PTPRN2: variants seen among roughly 807,000 people sequenced by gnomAD.
PTPRN2 encodes receptor-type tyrosine-protein phosphatase N2.
A neutral mutation model predicts 118.8 loss-of-function variants in PTPRN2; 74 were observed. That is an observed-to-expected ratio of 0.62 (90% CI 0.52 to 0.76). The LOEUF (loss-of-function observed/expected upper bound fraction) is 0.76. Among genes scored for constraint, PTPRN2 ranks in the 30% least tolerant of loss-of-function variants. The probability of loss-of-function intolerance (pLI) is 0.00; values close to 1 mark genes in which losing one functional copy is unlikely to be tolerated. For missense variants in PTPRN2, 1,481 were observed against 1,394.4 expected, an observed-to-expected ratio of 1.06 and a Z score of -0.99; for synonymous variants, 641 against 608.0, an observed-to-expected ratio of 1.05 and a Z score of -0.80.
chr7:158,261,583 G>A (rs1797401744), intron 3 of PTPRN2, among the ~76,000 whole-genome samples: 1 of 152,104 alleles, frequency 6.6e-6, no homozygotes, highest in South Asian at 2.1e-4. Flanking sequence ...GGGGACTCCA[G>A]CCACCCATCC....
intron 12 of PTPRN2, among the ~76,000 whole-genome samples, chr7:157,887,136 C>T (rs371719179): frequency 1.3e-5 from 2 of 152,150 alleles, no homozygotes; most frequent in Admixed American, 1.3e-4. Context: ...AGGGGCTGCT[C>T]CTGACCTCTG....
intron 12 of PTPRN2, among the ~76,000 whole-genome samples, chr7:157,806,973 G>T (rs1013863978): frequency 2.6e-5 from 4 of 152,228 alleles, no homozygotes; most frequent in Non-Finnish European, 2.9e-5. Flanking sequence ...CTCTGTTCCA[G>T]GGAGAGCCTC....
intron 2 of PTPRN2, among the ~76,000 whole-genome samples, chr7:158,323,422 G>C (rs951651308): frequency 1.3e-5 from 2 of 152,222 alleles, no homozygotes; most frequent in African/African-American, 2.4e-5. Context: ...GACCGGAATG[G>C]ACAGTGCTAA....
In PTPRN2 at chr7:158,489,784, G is replaced by C; in HGVS notation, c.114C>G (p.Gly38=). 4.4e-6 allele frequency: 7 copies of C among 1,576,070 alleles called. No individual in the cohort carries two copies. Among genetic ancestry groups the C allele is most frequent in the Non-Finnish European group, 6.0e-6 (7 of 1,161,664 alleles). ...PRGRQLPGRL[G]CLLEEGLCGA... ...CGCAGAGGCCCTCCTCGAGCAGGCA[G>C]CCTGCGGGGAAACAGAGAAGAGACG... The change falls in exon 2 of 23, where the codon GGC becomes GGG. Residue 38 remains glycine, a splice_region_variant and synonymous_variant. Transcript: ENST00000389418.
intron 11 of PTPRN2, among the ~76,000 whole-genome samples, chr7:158,078,101 G>T (rs1230720498): frequency 6.6e-6 from 1 of 152,186 alleles, no homozygotes; most frequent in Non-Finnish European, 1.5e-5. Context: ...ATGGAAAGCA[G>T]CTGCCCTTCT....
intron 9 of PTPRN2, among the ~76,000 whole-genome samples, chr7:158,127,177 C>T (rs1413444768): frequency 6.6e-6 from 1 of 152,232 alleles, no homozygotes; most frequent in Non-Finnish European, 1.5e-5. Flanking sequence ...AGACTCAGGG[C>T]TCCAACCTCT....
At chr7:158,275,329 T>G (rs1181184836) in intron 3 of PTPRN2, among the ~76,000 whole-genome samples, 1 of 152,180 alleles carries the variant, frequency 6.6e-6, no homozygotes, top group Non-Finnish European at 1.5e-5. Context: ...GCGCACCTCC[T>G]CACGCCTCTC....
intron 9 of PTPRN2, among the ~76,000 whole-genome samples, chr7:158,124,732 C>T (rs1033026086): frequency 2.0e-5 from 3 of 152,004 alleles, no homozygotes; most frequent in African/African-American, 4.8e-5. Context: ...GGAGGGAGGG[C>T]CTGGTGGAGT....
rs556855933 is a variant in PTPRN2 at position 157,587,125 on chromosome 7, A to T, written c.2496+8113T>A. Among the ~76,000 whole-genome samples, 1 of 152,190 alleles carries T rather than the reference A, an allele frequency of 6.6e-6. No homozygotes were observed. The highest frequency in any genetic ancestry group is 2.4e-5 in the African/African-American group (1 of 41,448). Reference sequence around the variant, plus strand: ...TAGTGCAGTAGCTGACACAGCAGACAGGCAGATACACAGGCAGGCAGACAG... The same window carrying T: ...TAGTGCAGTAGCTGACACAGCAGACTGGCAGATACACAGGCAGGCAGACAG... On this transcript the variant is annotated intron_variant, in intron 17 of 22. Transcript: ENST00000389418. This position sits in a 1 kb window ranked among gnomAD's most constrained non-coding sequence, Gnocchi z 5.3.
In PTPRN2 at chr7:158,302,675, C is replaced by T. The variant is rs143300679; in HGVS notation, c.277+14144G>A. ...GTAAGATGGCACGACTCACACGTGC[C>T]GCAGCTGGAACTTAAACTCCATCCG... On this transcript the variant is annotated intron_variant, in intron 3 of 22. Coordinates refer to ENST00000389418, the MANE Select transcript of PTPRN2 (RefSeq NM_002847.5). Among the ~76,000 whole-genome samples the T allele has an allele frequency of 1.7e-3, 257 of 152,330 alleles. 1 individual carries two copies. The highest frequency in any genetic ancestry group is 5.8e-3 in the African/African-American group (242 of 41,554).
At chr7:158,194,867 C>T (rs1462349729) in intron 4 of PTPRN2, among the ~76,000 whole-genome samples, 1 of 151,906 alleles carries the variant, frequency 6.6e-6, no homozygotes, top group Non-Finnish European at 1.5e-5. Context: ...ATATGAAATA[C>T]GAGCCTTAAA....
intron 3 of PTPRN2, among the ~76,000 whole-genome samples, chr7:158,269,885 G>C (rs547507674): frequency 7.9e-6 from 1 of 126,662 alleles, no homozygotes; most frequent in Non-Finnish European, 1.8e-5. Flanking sequence ...GAGACAGAGA[G>C]AGACAGAGAG....
intron 2 of PTPRN2, among the ~76,000 whole-genome samples, chr7:158,333,568 AGAGCT>A (rs1157941281): frequency 6.6e-6 from 1 of 150,946 alleles, no homozygotes; most frequent in African/African-American, 2.5e-5. Flanking sequence ...TCTCACCATA[AGAGCT>A]GATGCCGGCA....
At chr7:157,709,358 C>T (rs935047424) in intron 12 of PTPRN2, among the ~76,000 whole-genome samples, 2 of 152,170 alleles carry the variant, frequency 1.3e-5, no homozygotes, top group East Asian at 3.8e-4. Flanking sequence ...CGATTTTGAC[C>T]CCTGACAATT....
At chr7:158,381,631 G>A (rs1238432016) in intron 2 of PTPRN2, among the ~76,000 whole-genome samples, 1 of 152,122 alleles carries the variant, frequency 6.6e-6, no homozygotes, top group Non-Finnish European at 1.5e-5. Context: ...TGTTACCCAG[G>A]TCCAAAGTTG....
At chr7:157,950,006 G>A (rs1800710882) in intron 11 of PTPRN2, among the ~76,000 whole-genome samples, 1 of 152,238 alleles carries the variant, frequency 6.6e-6, no homozygotes, top group Non-Finnish European at 1.5e-5. Context: ...ACAGTCCTGA[G>A]ATCTTGGGTT....
intron 12 of PTPRN2, among the ~76,000 whole-genome samples, chr7:157,809,969 T>C (rs13227833): frequency 0.11 from 17,323 of 152,180 alleles, 1,235 homozygotes; most frequent in Middle Eastern, 0.16. Context: ...ACCAGGCTGA[T>C]GGCAGAGGGT....
At chr7:158,195,270 G>C (rs1826123657) in intron 4 of PTPRN2, among the ~76,000 whole-genome samples, 1 of 152,210 alleles carries the variant, frequency 6.6e-6, no homozygotes. Context: ...CTTTAAAAAT[G>C]CTTTCCATCG....
At chr7:157,938,484 C>T (rs1015816171) in intron 11 of PTPRN2, among the ~76,000 whole-genome samples, 1 of 152,198 alleles carries the variant, frequency 6.6e-6, no homozygotes, top group Non-Finnish European at 1.5e-5. Context: ...AGCCATGCCA[C>T]GTGCAGACCA....
Sources: allele counts gnomAD v4.1 joint callset (sites outside exome capture counted in the v4.1 genomes callset), GRCh38; gene constraint gnomAD v4.1.1; non-coding constraint Gnocchi (gnomAD v3.1); transcripts MANE v1.5; gene names NCBI Gene and HGNC (gene_info 2026-07-23, HGNC 2026-07-21).